The following UGT1A7 variants were observed in gnomAD, a reference collection of about 807,000 sequenced individuals.
UGT1A7 encodes UDP-glucuronosyltransferase 1A7.
A neutral mutation model predicts 45.6 loss-of-function variants in UGT1A7; 33 were observed. That is an observed-to-expected ratio of 0.72 (90% confidence interval 0.55 to 0.97). The LOEUF (loss-of-function observed/expected upper bound fraction) is 0.97. Among genes scored for constraint, UGT1A7 ranks in the 50% least tolerant of loss-of-function variants. UGT1A7 has a pLI of 0.00. For synonymous variants in UGT1A7, 274 were observed against 250.6 expected (o/e 1.09, Z -0.88); for missense variants, 684 against 666.2 (o/e 1.03, Z -0.29).
intron 1 of UGT1A7, among the ~76,000 whole-genome samples, chr2:233,749,081 G>A (rs958459779): frequency 6.6e-6 from 1 of 151,758 alleles, no homozygotes; most frequent in African/African-American, 2.4e-5. Flanking sequence ...TCCTTGGTGT[G>A]CCATGTATTT....
chr2:233,713,730 G>C, intron 1 of UGT1A7: 1 of 1,613,910 alleles, frequency 6.2e-7, no homozygotes, highest in South Asian at 1.1e-5. Flanking sequence ...GTCAGTGGTG[G>C]ATCTTGTCAG....
rs1307548052 is a variant in UGT1A7, at chr2:233,681,969, C to T, written c.32C>T (p.Pro11Leu). The change falls in exon 1 of 5, where the codon CCC (proline) becomes CTC (leucine). Residue 11 changes from proline to leucine, a missense_variant. Transcript: ENST00000373426. MARAGWTGLL[P>L]LYVCLLLTCG... The stretch of plus-strand genomic sequence containing the variant: ...CGTGCAGGGTGGACTGGCCTCCTTC[C>T]CCTATATGTGTGTCTACTGCTGACC... 9 of 1,613,970 alleles carry T rather than the reference C, an allele frequency of 5.6e-6. No homozygotes were observed. Among genetic ancestry groups the T allele is most frequent in the East Asian group, 4.5e-5 (2 of 44,896 alleles).
chr2:233,750,143 G>C (rs1694374277), intron 1 of UGT1A7, among the ~76,000 whole-genome samples: 1 of 151,908 alleles, frequency 6.6e-6, no homozygotes, highest in Admixed American at 6.5e-5. Context: ...GAACTTCCTA[G>C]AGACTTGTTG....
At chr2:233,747,712 T>C (rs566811001) in intron 1 of UGT1A7, 704 of 1,613,102 alleles carry the variant, frequency 4.4e-4, no homozygotes, top group Non-Finnish European at 5.2e-4. Flanking sequence ...TACCTATCAA[T>C]TCCTGCTGTG....
chr2:233,698,310 A>G (rs922049973), intron 1 of UGT1A7, among the ~76,000 whole-genome samples: 1 of 152,222 alleles, frequency 6.6e-6, no homozygotes, highest in Non-Finnish European at 1.5e-5. Flanking sequence ...GGACAGATGG[A>G]AATGTCTGGA....
At chr2:233,720,293 G>T (rs1340833186) in intron 1 of UGT1A7, among the ~76,000 whole-genome samples, 1 of 152,182 alleles carries the variant, frequency 6.6e-6, no homozygotes, top group Non-Finnish European at 1.5e-5. Flanking sequence ...CTGACCAGGA[G>T]TTGGGGGTCT....
intron 1 of UGT1A7, among the ~76,000 whole-genome samples, chr2:233,718,425 G>A (rs963239673): frequency 6.6e-6 from 1 of 152,218 alleles, no homozygotes; most frequent in African/African-American, 2.4e-5. Context: ...GAGAACATGT[G>A]GTTGGGGACT....
At chr2:233,698,551 A>C (rs2075447544) in intron 1 of UGT1A7, among the ~76,000 whole-genome samples, 2 of 152,272 alleles carry the variant, frequency 1.3e-5, no homozygotes, top group Admixed American at 6.5e-5. Flanking sequence ...AGTGGCCAAC[A>C]AAACTTTAAG....
intron 1 of UGT1A7, chr2:233,719,360 A>T: frequency 6.2e-7 from 1 of 1,613,910 alleles, no homozygotes; most frequent in Non-Finnish European, 8.5e-7. Context: ...CATGTGACTT[A>T]GACTTTAAGG....
At chr2:233,709,121 G>A (rs1349379070) in intron 1 of UGT1A7, among the ~76,000 whole-genome samples, 3 of 152,046 alleles carry the variant, frequency 2.0e-5, no homozygotes, top group Admixed American at 1.3e-4. Flanking sequence ...AACTAATCAT[G>A]GTGGCCAAGG....
chr2:233,748,025 C>T, intron 1 of UGT1A7: 1 of 1,613,520 alleles, frequency 6.2e-7, no homozygotes, highest in Non-Finnish European at 8.5e-7. Flanking sequence ...CGATCATGCC[C>T]AACATGGTCT....
chr2:233,753,329 G>A (rs1695182951), intron 1 of UGT1A7: 1 of 152,070 alleles, frequency 6.6e-6, no homozygotes, highest in Non-Finnish European at 1.5e-5. Context: ...GGTGCCAGCT[G>A]ACTGCCATTT....
At chr2:233,724,256 C>T (rs2077196929) in intron 1 of UGT1A7, among the ~76,000 whole-genome samples, 1 of 131,772 alleles carries the variant, frequency 7.6e-6, no homozygotes, top group African/African-American at 2.9e-5. Flanking sequence ...CGCCCCTCAC[C>T]TCCCGGACGG....
intron 1 of UGT1A7, chr2:233,729,683 A>G (rs997425766): frequency 5.0e-6 from 8 of 1,613,836 alleles, no homozygotes; most frequent in African/African-American, 1.3e-5. Context: ...AAGGGCACAC[A>G]GTGTCCAAAC....
intron 1 of UGT1A7, among the ~76,000 whole-genome samples, chr2:233,718,202 T>C (rs918589370): frequency 1.3e-5 from 2 of 152,242 alleles, no homozygotes; most frequent in African/African-American, 4.8e-5. Context: ...CGGAGCTTTT[T>C]TTTATATTGA....
At chr2:233,732,140 G>GT (rs1352899510) in intron 1 of UGT1A7, among the ~76,000 whole-genome samples, 2 of 135,546 alleles carry the variant, frequency 1.5e-5, no homozygotes, top group East Asian at 2.0e-4. Flanking sequence ...TTGTTTGTTT[G>GT]TTTTTTTTCT....
At chr2:233,763,882 A>G (rs1279865944) in intron 1 of UGT1A7, among the ~76,000 whole-genome samples, 1 of 152,208 alleles carries the variant, frequency 6.6e-6, no homozygotes, top group Non-Finnish European at 1.5e-5. Flanking sequence ...GGTCTGAGAA[A>G]AATAACTAAA....
At chr2:233,760,155 CT>C (rs1697330158) in intron 1 of UGT1A7, 26 of 1,487,798 alleles carry the variant, frequency 1.7e-5, no homozygotes, top group Non-Finnish European at 2.3e-5. Flanking sequence ...GAACTCCCTG[CT>C]ACCTTTGTGG....
chr2:233,749,394 A>T (rs1364997409), intron 1 of UGT1A7, among the ~76,000 whole-genome samples: 1 of 151,918 alleles, frequency 6.6e-6, no homozygotes, highest in African/African-American at 2.4e-5. Flanking sequence ...CAATGTGAAC[A>T]TATTCTCTAG....
Sources: allele counts gnomAD v4.1 joint callset (sites outside exome capture counted in the v4.1 genomes callset), GRCh38; gene constraint gnomAD v4.1.1; transcripts MANE v1.5; gene names NCBI Gene and HGNC (gene_info 2026-07-23, HGNC 2026-07-21).